The following DGKB variants were observed in gnomAD, a reference collection of about 807,000 sequenced individuals.
The protein encoded by DGKB is 90 kDa diacylglycerol kinase.
A neutral mutation model predicts 114.3 loss-of-function variants in DGKB; 67 were observed. That is an observed-to-expected ratio of 0.59 (90% CI 0.48 to 0.72). DGKB has a LOEUF of 0.72. Ranked by LOEUF, DGKB falls within the 30% of genes least tolerant of loss-of-function variation. DGKB has a pLI of 0.00. For synonymous variants in DGKB, 398 were observed against 323.1 expected, an observed-to-expected ratio of 1.23 and a Z score of -2.49; for missense variants, 907 against 975.2, an observed-to-expected ratio of 0.93 and a Z score of 0.93.
chr7:14,597,249 A>G (rs1396219862), intron 17 of DGKB, among the ~76,000 whole-genome samples: 1 of 152,196 alleles, frequency 6.6e-6, no homozygotes, highest in South Asian at 2.1e-4. Context: ...AATTCTAACT[A>G]TAGGCATAAA....
chr7:14,300,906 T>C (rs187552145), intron 23 of DGKB, among the ~76,000 whole-genome samples: 35 of 152,228 alleles, frequency 2.3e-4, no homozygotes, highest in African/African-American at 8.4e-4. Context: ...TAGACATTGG[T>C]TTATCAGTCA....
intron 2 of DGKB, chr7:14,816,591 T>C (rs1037162291): frequency 6.6e-6 from 1 of 152,212 alleles, no homozygotes; most frequent in African/African-American, 2.4e-5. Flanking sequence ...TGACTGCATG[T>C]TATAACTGTG....
intron 1 of DGKB, among the ~76,000 whole-genome samples, chr7:14,968,212 G>C (rs1312500046): frequency 6.7e-6 from 1 of 149,964 alleles, no homozygotes; most frequent in Admixed American, 6.6e-5. Flanking sequence ...AAAAAAAAAA[G>C]CTAGCTTTTA....
At chr7:14,371,354 T>C (rs1817607502) in intron 21 of DGKB, among the ~76,000 whole-genome samples, 1 of 152,204 alleles carries the variant, frequency 6.6e-6, no homozygotes, top group South Asian at 2.1e-4. Context: ...GACTTTTTAA[T>C]TATAGCCATT....
chr7:14,301,134 T>C (rs1229970698), intron 23 of DGKB, among the ~76,000 whole-genome samples: 2 of 152,148 alleles, frequency 1.3e-5, no homozygotes, highest in Admixed American at 6.6e-5. Context: ...CTGTTTGCAG[T>C]CTTTGATATT....
In DGKB at chr7:14,328,286, T is replaced by A. The variant is rs144242643; in HGVS notation, c.2122+10229A>T. 6.6e-3 allele frequency among the ~76,000 whole-genome samples: 1,009 copies of A among 152,186 alleles called. 15 individuals carry two copies. The highest frequency in any genetic ancestry group is 0.023 in the African/African-American group (965 of 41,562). The stretch of plus-strand genomic sequence containing the variant: ...ATTTATATATTCGGTAAAATAAAAT[T>A]ATTTAATGTTCTTCGTTATTCAATA... On this transcript the variant is annotated intron_variant, in intron 23 of 25. Coordinates refer to ENST00000402815, the MANE Select transcript of DGKB (RefSeq NM_001350709.2).
At chr7:14,438,523 A>G (rs1248180876) in intron 21 of DGKB, among the ~76,000 whole-genome samples, 1 of 152,166 alleles carries the variant, frequency 6.6e-6, no homozygotes, top group Non-Finnish European at 1.5e-5. Context: ...CAAAGCCCCT[A>G]TACAGTTAAC....
chr7:14,346,007 T>C (rs17774495), intron 21 of DGKB, among the ~76,000 whole-genome samples: 26,467 of 151,098 alleles, frequency 0.18, 2,869 homozygotes, highest in Non-Finnish European at 0.25. Flanking sequence ...GGATTTGAAA[T>C]TTTATTCTTG....
intron 21 of DGKB, among the ~76,000 whole-genome samples, chr7:14,452,247 GTTATT>G (rs1385455869): frequency 6.6e-6 from 1 of 151,974 alleles, no homozygotes. Context: ...GTAAGCATAT[GTTATT>G]TTATTACTGA....
At chr7:14,688,863 CATAAATAAAAATCTTTATCCTA>C (rs1355910804) in intron 9 of DGKB, among the ~76,000 whole-genome samples, 272 of 55,004 alleles carry the variant, frequency 4.9e-3, no homozygotes, top group African/African-American at 0.022. Flanking sequence ...TTAGTTTTTC[CATAAATAAAAATCTTTATCCTA>C]GTGATTCTAA....
intron 2 of DGKB, among the ~76,000 whole-genome samples, chr7:14,767,085 G>T (rs1201856487): frequency 6.6e-6 from 1 of 151,060 alleles, no homozygotes; most frequent in Non-Finnish European, 1.5e-5. Flanking sequence ...TGCCATAGAA[G>T]GAAAGAATTT....
intron 2 of DGKB, among the ~76,000 whole-genome samples, chr7:14,758,398 C>G (rs1315077883): frequency 6.6e-6 from 1 of 151,950 alleles, no homozygotes; most frequent in Non-Finnish European, 1.5e-5. Flanking sequence ...TAGATATATA[C>G]ATTCAGTCTA....
At chr7:14,517,336 C>T (rs916418218) in intron 20 of DGKB, among the ~76,000 whole-genome samples, 2 of 151,900 alleles carry the variant, frequency 1.3e-5, no homozygotes, top group African/African-American at 4.8e-5. Context: ...AAATGCAAAA[C>T]CTAAAACTAT....
At chr7:14,900,403 T>C (rs953359999) in intron 1 of DGKB, among the ~76,000 whole-genome samples, 2 of 152,140 alleles carry the variant, frequency 1.3e-5, no homozygotes, top group African/African-American at 4.8e-5. Context: ...ATTGTGCATA[T>C]ATAAATACAG....
At chr7:14,723,856 A>T (rs1229644772) in intron 5 of DGKB, among the ~76,000 whole-genome samples, 1 of 152,114 alleles carries the variant, frequency 6.6e-6, no homozygotes, top group Admixed American at 6.5e-5. Context: ...TAAGCACATG[A>T]TTTTCATTAT....
chr7:14,511,163 A>T (rs1170970584), intron 20 of DGKB, among the ~76,000 whole-genome samples: 1 of 152,192 alleles, frequency 6.6e-6, no homozygotes, highest in Non-Finnish European at 1.5e-5. Context: ...CTTTGAAGCC[A>T]TGTACTGGCC....
At chr7:14,281,465 C>T (rs1463072834) in intron 23 of DGKB, among the ~76,000 whole-genome samples, 2 of 144,686 alleles carry the variant, frequency 1.4e-5, no homozygotes, top group Non-Finnish European at 3.0e-5. Context: ...GACAGAAAGT[C>T]AACAAGGATA....
intron 21 of DGKB, among the ~76,000 whole-genome samples, chr7:14,418,181 A>T (rs920752742): frequency 6.9e-6 from 1 of 144,044 alleles, no homozygotes; most frequent in Admixed American, 7.1e-5. Flanking sequence ...TTTTATAAAT[A>T]TAAATATAAA....
chr7:14,240,798 A>T (rs1470267960), intron 23 of DGKB, among the ~76,000 whole-genome samples: 1 of 152,152 alleles, frequency 6.6e-6, no homozygotes, highest in African/African-American at 2.4e-5. Flanking sequence ...GTGACAGTAA[A>T]TGGTTACAGT....
Sources: gnomAD v4.1 joint callset for allele counts (sites outside exome capture counted in the v4.1 genomes callset) on GRCh38, gnomAD v4.1.1 for gene constraint, MANE v1.5 for transcripts, NCBI Gene and HGNC (gene_info 2026-07-23, HGNC 2026-07-21) for gene names.